LRBA: variants seen among roughly 807,000 people sequenced by gnomAD.
LRBA encodes LPS responsive beige-like anchor protein.
LRBA carries 176 observed loss-of-function variants against 330.0 expected under a neutral mutation model. That is an observed-to-expected ratio of 0.53 (90% CI 0.47 to 0.60). The LOEUF is 0.60. LRBA is among the 20% of genes least tolerant of loss of function. LRBA has a pLI of 0.00. For synonymous variants in LRBA, 1,230 were observed against 1,193.0 expected (o/e 1.03, Z -0.64); for missense variants, 3,259 against 3,444.8 (o/e 0.95, Z 1.35).
intron 28 of LRBA, among the ~76,000 whole-genome samples, chr4:150,833,585 G>A (rs575578144): frequency 6.6e-6 from 1 of 152,112 alleles, no homozygotes; most frequent in South Asian, 2.1e-4. Flanking sequence ...CAACAGCATT[G>A]TATCTAAAAA....
intron 2 of LRBA, among the ~76,000 whole-genome samples, chr4:150,983,518 A>G (rs1480252848): frequency 6.9e-6 from 1 of 143,892 alleles, no homozygotes; most frequent in East Asian, 2.0e-4. Flanking sequence ...CAGTGGCACG[A>G]TCTCAGCTCA....
chr4:150,505,061 C>G (rs189928984), intron 40 of LRBA, among the ~76,000 whole-genome samples: 183 of 152,266 alleles, frequency 1.2e-3, no homozygotes, highest in Admixed American at 6.5e-3. Context: ...TACAGGAGCA[C>G]CTAGATTCAT....
At chr4:150,489,286 A>T (rs1414176450) in intron 41 of LRBA, among the ~76,000 whole-genome samples, 2 of 90,518 alleles carry the variant, frequency 2.2e-5, no homozygotes, top group African/African-American at 4.2e-5. Flanking sequence ...TATTATATAT[A>T]AGAATATATA....
chr4:150,518,178 AG>A (rs1762559946), intron 40 of LRBA, among the ~76,000 whole-genome samples: 1 of 152,200 alleles, frequency 6.6e-6, no homozygotes, highest in Non-Finnish European at 1.5e-5. Flanking sequence ...ACGATTAGTA[AG>A]TAAAATAAGG....
intron 40 of LRBA, among the ~76,000 whole-genome samples, chr4:150,565,707 A>G (rs1769037560): frequency 6.6e-6 from 1 of 152,090 alleles, no homozygotes; most frequent in African/African-American, 2.4e-5. Flanking sequence ...TCTTTAACAC[A>G]TAAAACACTT....
At chr4:150,914,377 CAAAAAA>C (rs545883615) in intron 8 of LRBA, 36 bp from the exon 9 acceptor site, 1 of 1,354,940 alleles carries the variant, frequency 7.4e-7, no homozygotes, top group Non-Finnish European at 9.9e-7. Flanking sequence ...TAGGAAAAAA[CAAAAAA>C]AAACTCCAGA....
chr4:150,950,313 A>C (rs947045438), intron 2 of LRBA, among the ~76,000 whole-genome samples: 4 of 152,150 alleles, frequency 2.6e-5, no homozygotes, highest in African/African-American at 9.6e-5. Context: ...AGATAGCAAA[A>C]TGTCATGAAT....
chr4:150,333,570 CA>C (rs1477464286), intron 48 of LRBA, among the ~76,000 whole-genome samples: 1 of 152,092 alleles, frequency 6.6e-6, no homozygotes, highest in Non-Finnish European at 1.5e-5. Flanking sequence ...TTTAAAAAGT[CA>C]CACTAAGACC....
chr4:150,359,657 T>C (rs936977122), intron 47 of LRBA, among the ~76,000 whole-genome samples: 3 of 152,086 alleles, frequency 2.0e-5, no homozygotes, highest in Admixed American at 2.0e-4. Flanking sequence ...GCTGAGAATT[T>C]TAGTGGAAGT....
intron 2 of LRBA, among the ~76,000 whole-genome samples, chr4:150,968,860 A>G (rs1459667512): frequency 1.3e-5 from 2 of 152,244 alleles, no homozygotes; most frequent in African/African-American, 4.8e-5. Context: ...TTCATAGAAC[A>G]GGCAGACTCT....
intron 35 of LRBA, among the ~76,000 whole-genome samples, chr4:150,737,373 T>C (rs1426040641): frequency 6.6e-6 from 1 of 152,128 alleles, no homozygotes; most frequent in Non-Finnish European, 1.5e-5. Context: ...GGTGGAAGAA[T>C]GGCTTGAACT....
chr4:150,957,433 A>C (rs1209721847), intron 2 of LRBA, among the ~76,000 whole-genome samples: 1 of 148,384 alleles, frequency 6.7e-6, no homozygotes, highest in Non-Finnish European at 1.5e-5. Flanking sequence ...CCCATGATTC[A>C]ATTACCTCCC....
chr4:150,473,996 A>G (rs1297002069), intron 42 of LRBA, among the ~76,000 whole-genome samples: 3 of 152,092 alleles, frequency 2.0e-5, no homozygotes, highest in Non-Finnish European at 4.4e-5. Context: ...CCAATTTCTC[A>G]ATTTTTTCTT....
At chr4:150,288,400 GAGTTAGAGACC>G (rs1216855674) in intron 53 of LRBA, among the ~76,000 whole-genome samples, 16 of 152,092 alleles carry the variant, frequency 1.1e-4, no homozygotes, top group Admixed American at 6.5e-4. Flanking sequence ...CTGAGGTTAC[GAGTTAGAGACC>G]AGCCTGGCCA....
At chr4:150,864,388 AATAAC>A (rs1476919339) in intron 22 of LRBA, among the ~76,000 whole-genome samples, 2 of 152,288 alleles carry the variant, frequency 1.3e-5, no homozygotes, top group African/African-American at 4.8e-5. Context: ...ATATAATATA[AATAAC>A]ATTTTTTGAA....
intron 37 of LRBA, among the ~76,000 whole-genome samples, chr4:150,605,621 A>G (rs1243736120): frequency 6.6e-6 from 1 of 152,180 alleles, no homozygotes; most frequent in Non-Finnish European, 1.5e-5. Context: ...AAAAAGCAGT[A>G]AACATTTTCA....
intron 53 of LRBA, among the ~76,000 whole-genome samples, chr4:150,288,721 T>C (rs896138547): frequency 1.6e-5 from 2 of 125,116 alleles, no homozygotes; most frequent in Non-Finnish European, 3.7e-5. Context: ...ATTAGATCCA[T>C]TGGCAACTTT....
intron 40 of LRBA, among the ~76,000 whole-genome samples, chr4:150,564,183 C>T (rs188726102): frequency 6.6e-6 from 1 of 152,252 alleles, no homozygotes; most frequent in East Asian, 1.9e-4. Flanking sequence ...GGTACCAAAA[C>T]AGATATATAA....
intron 37 of LRBA, among the ~76,000 whole-genome samples, chr4:150,622,976 C>T (rs901248427): frequency 2.0e-5 from 3 of 152,100 alleles, no homozygotes; most frequent in African/African-American, 7.2e-5. Context: ...GGATTACAGG[C>T]GTGAGCCACC....
Sources: allele counts gnomAD v4.1 joint callset (sites outside exome capture counted in the v4.1 genomes callset), GRCh38; gene constraint gnomAD v4.1.1; transcripts MANE v1.5; gene names NCBI Gene and HGNC (gene_info 2026-07-23, HGNC 2026-07-21).